RFX1: variants seen among roughly 807,000 people sequenced by gnomAD.
The protein encoded by RFX1 is MHC class II regulatory factor RFX1.
RFX1 carries 42 observed loss-of-function variants against 119.6 expected under a neutral mutation model. The ratio of observed to expected loss-of-function variants is 0.35; its 90% CI spans 0.27 to 0.45. RFX1 has a LOEUF of 0.45. Among genes scored for constraint, RFX1 ranks in the 20% least tolerant of loss-of-function variants. The probability of loss-of-function intolerance (pLI) is 1.00; values close to 1 mark genes in which losing one functional copy is unlikely to be tolerated. For missense variants in RFX1, 1,118 were observed against 1,368.1 expected (o/e 0.82, Z 2.88); for synonymous variants, 628 against 618.5 (o/e 1.02, Z -0.23).
At chr19:13,963,512 C>G in intron 18 of RFX1, 26 bp downstream of exon 18, 3 of 1,576,486 alleles carry the variant, frequency 1.9e-6, no homozygotes, top group Non-Finnish European at 2.6e-6. Flanking sequence ...TGGTGCCGCC[C>G]GGACCCGATC....
In RFX1 at chr19:13,965,576, C is replaced by T. The variant is rs1012872560; in HGVS notation, c.2114-30G>A. ...GGGCGGTGGCGGGGGTCGGTCAGGGCAGGGCGGGTGTATGTGGGGCAGGGG... is the reference window on the plus strand; with the variant it reads ...GGGCGGTGGCGGGGGTCGGTCAGGGTAGGGCGGGTGTATGTGGGGCAGGGG... On this transcript the variant is annotated intron_variant, in intron 15 of 20. Coordinates refer to ENST00000254325, the MANE Select transcript of RFX1 (RefSeq NM_002918.5). This position sits in a 1 kb window ranked among gnomAD's most constrained non-coding sequence, Gnocchi z 4.7. 1 of 1,610,650 alleles carries T rather than the reference C, an allele frequency of 6.2e-7. No homozygotes were observed. The highest frequency in any genetic ancestry group is 1.3e-5 in the African/African-American group (1 of 74,368).
At chr19:13,978,993 G>A (rs1974345179) in intron 7 of RFX1, among the ~76,000 whole-genome samples, 1 of 151,452 alleles carries the variant, frequency 6.6e-6, no homozygotes, top group African/African-American at 2.4e-5. Context: ...CGCTGCACGC[G>A]GGCGGCCGGG....
In RFX1 at chr19:13,969,945, A is replaced by T; in HGVS notation, c.1496+49T>A. ...ACTCGGAGTGGGGGTGGGCCTTGGC[A>T]TGCCCACCAATTCCCCAGGGACTGC... is the stretch of plus-strand genomic sequence containing the variant. On this transcript the variant is annotated intron_variant, in intron 10 of 20. Transcript: ENST00000254325. This position sits in a 1 kb window ranked among gnomAD's most constrained non-coding sequence, Gnocchi z 4.5. 4 of 1,540,520 alleles carry T rather than the reference A, an allele frequency of 2.6e-6. No individual in the cohort carries two copies. The highest frequency in any genetic ancestry group is 2.6e-6 in the Non-Finnish European group (3 of 1,138,652).
chr19:13,973,164 A>C, intron 8 of RFX1, 37 bp from the exon 9 acceptor site: 1 of 1,239,698 alleles, frequency 8.1e-7, no homozygotes, highest in Non-Finnish European at 1.1e-6. Flanking sequence ...AGTCAGGGGG[A>C]TGAGAACTGG....
Position 13,965,732 on chromosome 19 carries a change from G to A in RFX1, c.2007C>T (p.Leu669=), listed in dbSNP as rs1599473850. Residue 669 remains leucine (L), a synonymous_variant, in exon 15 of 21, where the codon CTC becomes CTT. Transcript: ENST00000254325. This position sits in a 1 kb window ranked among gnomAD's most constrained non-coding sequence, Gnocchi z 4.7. ...GGAGCACGGGCTCGAACTTGGAGAG[G>A]AGCACCAGGATGGCTTTGGGCAGTC... The part of the protein sequence containing the change: ...EKRLPKAILV[L]LSKFEPVLQW... 4 of 1,613,924 alleles carry A rather than the reference G, an allele frequency of 2.5e-6. No individual in the cohort carries two copies. The East Asian group carries it at 6.7e-5, about 27-fold the overall frequency.
chr19:13,963,118 G>T lies in RFX1; in HGVS notation c.2724+4C>A. 6.2e-7 allele frequency: 1 copy of T among 1,610,658 alleles called. No homozygotes were observed. The highest frequency in any genetic ancestry group is 8.5e-7 in the Non-Finnish European group (1 of 1,178,300). The stretch of plus-strand genomic sequence containing the variant: ...CCGCGCCCCCAGTGGCCCGCCTCGC[G>T]CACCTCGCCCATGACGGCGATGGGG... On this transcript the variant is annotated splice_donor_region_variant and intron_variant, in intron 19 of 20. Transcript: ENST00000254325.
At chr19:13,981,829 TC>T (rs879524427) in intron 5 of RFX1, among the ~76,000 whole-genome samples, 4 of 152,126 alleles carry the variant, frequency 2.6e-5, no homozygotes, top group Non-Finnish European at 5.9e-5. Flanking sequence ...GGAATGCAGT[TC>T]CCTGAGCTGG....
At position 13,968,471 on chromosome 19, in the gene RFX1, G is replaced by A; in HGVS notation, c.1732+94C>T. The A allele has an allele frequency of 2.0e-6, 2 of 1,020,446 alleles. No individual in the cohort carries two copies. The highest frequency in any genetic ancestry group is 3.1e-6 in the Non-Finnish European group (2 of 651,906). 63.2% of individuals were successfully genotyped at this position (1,020,446 alleles called of 1,614,324 possible). On this transcript the variant is annotated intron_variant, in intron 12 of 20. Coordinates refer to ENST00000254325, the MANE Select transcript of RFX1 (RefSeq NM_002918.5). The surrounding 1 kb of genome is among the most constrained non-coding windows in gnomAD (Gnocchi z 5.5). ...GGCATCTCTCACCAAGCCCTCCCCA[G>A]CTCAGAGGCTGCCTGCCGCCATCCA...
Position 13,986,790 on chromosome 19 carries a change from C to T in RFX1, c.320-3195G>A, listed in dbSNP as rs1234302657. On this transcript the variant is annotated intron_variant, in intron 2 of 20. Transcript: ENST00000254325. This position sits in a 1 kb window ranked among gnomAD's most constrained non-coding sequence, Gnocchi z 4.2. ...CCCCGCACTTCCCCATCTAGACCTA[C>T]TCAAACCTTAAATGAGCTACTTGGG... Among the ~76,000 whole-genome samples, 1 of 152,166 alleles carries T rather than the reference C, an allele frequency of 6.6e-6. No individual in the cohort carries two copies. Among genetic ancestry groups the T allele is most frequent in the Non-Finnish European group, 1.5e-5 (1 of 68,014 alleles).
At chr19:14,005,238 C>T (rs1205658372) in intron 1 of RFX1, among the ~76,000 whole-genome samples, 1 of 152,194 alleles carries the variant, frequency 6.6e-6, no homozygotes, top group Non-Finnish European at 1.5e-5. Context: ...AAAGCATTCC[C>T]TCATGGTCAC....
At chr19:13,975,847 G>A (rs553121943) in intron 8 of RFX1, among the ~76,000 whole-genome samples, 36 of 152,360 alleles carry the variant, frequency 2.4e-4, no homozygotes, top group Admixed American at 7.2e-4. Flanking sequence ...TCGGGAACTC[G>A]CAGTAATTCA....
Position 13,978,061 on chromosome 19 carries a change from A to G in RFX1, c.860T>C (p.Val287Ala). Residue 287 changes from valine to alanine, a missense_variant, in exon 8 of 21, where the codon GTC becomes GCC. Val to Ala is a moderately conservative substitution (Grantham distance 64). Around this residue, in one of 5 missense-constraint regions of RFX1, gnomAD observed 542 missense variants for 602.7 expected, o/e 0.90. Coordinates refer to ENST00000254325, the MANE Select transcript of RFX1 (RefSeq NM_002918.5). ...CACCTGGCTGGAGTACACGTGTGGG[A>G]CGGGCACCTGCTGGAGCTGCTGCAC... The part of the protein sequence containing the change: ...QEVQQLQQVP[V>A]PHVYSSQVQY... 1 of 1,613,362 alleles carries G rather than the reference A, an allele frequency of 6.2e-7. No homozygotes were observed. The highest frequency in any genetic ancestry group is 1.3e-5 in the African/African-American group (1 of 75,034).
intron 1 of RFX1, among the ~76,000 whole-genome samples, chr19:13,995,783 G>A (rs902983099): frequency 7.3e-5 from 11 of 150,166 alleles, no homozygotes; most frequent in South Asian, 6.4e-4. Context: ...CCTGGGAGGC[G>A]GAGGTTGCAA....
At chr19:13,976,625 G>C (rs1974260056) in intron 8 of RFX1, among the ~76,000 whole-genome samples, 1 of 152,206 alleles carries the variant, frequency 6.6e-6, no homozygotes, top group African/African-American at 2.4e-5. Context: ...AGGGTGACCA[G>C]GACCCACGAG....
At position 13,969,346 on chromosome 19, in the gene RFX1, T is replaced by G. The variant is rs1974002637; in HGVS notation, c.1497-452A>C. Among the ~76,000 whole-genome samples the G allele has an allele frequency of 6.6e-6, 1 of 151,910 alleles. No individual in the cohort carries two copies. Among genetic ancestry groups the G allele is most frequent in the South Asian group, 2.1e-4 (1 of 4,826 alleles). On this transcript the variant is annotated intron_variant, in intron 10 of 20. Coordinates refer to ENST00000254325, the MANE Select transcript of RFX1 (RefSeq NM_002918.5). This position sits in a 1 kb window ranked among gnomAD's most constrained non-coding sequence, Gnocchi z 4.5. The stretch of plus-strand genomic sequence containing the variant: ...TGCAGACGGACCAGAACAACTGAAA[T>G]AAGTCATGTAAAAGGCACGTGTGGG...
chr19:14,002,720 G>A (rs1022823105), intron 1 of RFX1, among the ~76,000 whole-genome samples: 2 of 152,176 alleles, frequency 1.3e-5, no homozygotes, highest in African/African-American at 2.4e-5. Flanking sequence ...GAACAGGCCT[G>A]GGAAGCAGGT....
At chr19:13,987,988 C>A (rs1467297130) in intron 2 of RFX1, among the ~76,000 whole-genome samples, 2 of 151,954 alleles carry the variant, frequency 1.3e-5, no homozygotes, top group Admixed American at 6.6e-5. Context: ...ACCCAAAGAC[C>A]ATGCCTTGCT....
chr19:13,970,908 T>TGGGAGGCAGAGGTTGCA (rs531639217), intron 9 of RFX1, among the ~76,000 whole-genome samples: 2 of 151,676 alleles, frequency 1.3e-5, no homozygotes, highest in Non-Finnish European at 2.9e-5. Flanking sequence ...CATTTGAACT[T>TGGGAGGCAGAGGTTGCA]GGGAGGCAGA....
rs1974503581 is a variant in RFX1 at position 13,983,573 on chromosome 19, C to A, written c.342G>T (p.Glu114Asp). 6.2e-7 allele frequency: 1 copy of A among 1,607,472 alleles called. No homozygotes were observed. Among genetic ancestry groups the A allele is most frequent in the Admixed American group, 1.7e-5 (1 of 59,520 alleles). ...AGCCGGGGCTGGCCTCCGACACTGTCTCGCTGGCCCGCATGGCACCTTCTG... is the reference window on the plus strand; with the variant it reads ...AGCCGGGGCTGGCCTCCGACACTGTATCGCTGGCCCGCATGGCACCTTCTG... ...TVSEGAMRAS[E>D]TVSEASPGST... The change falls in exon 3 of 21, where the codon GAG becomes GAT. Residue 114 changes from glutamate to aspartate, a missense_variant. By Grantham distance (45) the Glu-to-Asp change is conservative (BLOSUM62 2). Around this residue, in one of 5 missense-constraint regions of RFX1, gnomAD observed 542 missense variants for 602.7 expected, o/e 0.90. Transcript: ENST00000254325.
Sources: allele counts gnomAD v4.1 joint callset (sites outside exome capture counted in the v4.1 genomes callset), GRCh38; gene constraint gnomAD v4.1.1; regional missense constraint gnomAD v4.1.1; non-coding constraint Gnocchi (gnomAD v3.1); transcripts MANE v1.5; gene names NCBI Gene and HGNC (gene_info 2026-07-23, HGNC 2026-07-21).